SLC35F2: variants seen among roughly 807,000 people sequenced by gnomAD.
SLC35F2 encodes solute carrier family 35 member F2.
In SLC35F2, 25 loss-of-function variants were observed where a neutral mutation model predicts 38.1. The observed-to-expected ratio is 0.66, with a 90% confidence interval of 0.48 to 0.92. The LOEUF is 0.92. Among genes scored for constraint, SLC35F2 ranks in the 40% least tolerant of loss-of-function variants. The pLI, the probability that SLC35F2 is intolerant of heterozygous loss-of-function variation, is 0.00. For synonymous variants in SLC35F2, 173 were observed against 181.7 expected (o/e 0.95, Z 0.38); for missense variants, 409 against 452.9 (o/e 0.90, Z 0.88).
chr11:107,799,140 T>C (rs1429498797), intron 7 of SLC35F2, among the ~76,000 whole-genome samples: 1 of 152,216 alleles, frequency 6.6e-6, no homozygotes, highest in East Asian at 1.9e-4. Context: ...TTTCTACCTC[T>C]GTAATTTATT....
chr11:107,808,640 C>T lies in SLC35F2; in HGVS notation c.415-1764G>A, dbSNP rs141164857. Among the ~76,000 whole-genome samples the T allele has an allele frequency of 3.1e-3, 479 of 152,288 alleles. 2 individuals carry two copies. Among genetic ancestry groups the T allele is most frequent in the African/African-American group, 0.011 (459 of 41,542 alleles). On this transcript the variant is annotated intron_variant, in intron 3 of 7. Transcript: ENST00000525815. ...CCTGTCCACAGTTGTTTACTGATTG[C>T]CTTTCACTGCAGTAGCATCAGTGGA... is the stretch of plus-strand genomic sequence containing the variant.
intron 1 of SLC35F2, among the ~76,000 whole-genome samples, chr11:107,844,132 C>T (rs1860064922): frequency 6.6e-6 from 1 of 151,766 alleles, no homozygotes. Flanking sequence ...TTGTTTGTTG[C>T]CCTATCGCAA....
chr11:107,800,793 C>T (rs1859295431), intron 7 of SLC35F2, among the ~76,000 whole-genome samples: 1 of 151,826 alleles, frequency 6.6e-6, no homozygotes, highest in African/African-American at 2.4e-5. Context: ...ACCATGTTGT[C>T]CAGGCTGAAA....
intron 1 of SLC35F2, among the ~76,000 whole-genome samples, chr11:107,824,942 T>C (rs1859729655): frequency 6.6e-6 from 1 of 152,202 alleles, no homozygotes; most frequent in Non-Finnish European, 1.5e-5. Flanking sequence ...TATGCAGCCA[T>C]TGAGTGTTTG....
At chr11:107,812,870 T>C (rs12281160) in intron 2 of SLC35F2, among the ~76,000 whole-genome samples, 6,527 of 152,266 alleles carry the variant, frequency 0.043, 227 homozygotes, top group African/African-American at 0.098. Context: ...CTGCAGGTGA[T>C]CATTCTTTTG....
At position 107,821,196 on chromosome 11, in the gene SLC35F2, A is replaced by G. The variant is rs1296090124; in HGVS notation, c.111-5231T>C. On this transcript the variant is annotated intron_variant, in intron 1 of 7. Coordinates refer to ENST00000525815, the MANE Select transcript of SLC35F2 (RefSeq NM_017515.5). ...ACTTGAAAGCAATTATAAATCTGAA[A>G]TAAGTGAGAATAAAAAGTGTGGAAG... Among the ~76,000 whole-genome samples, 3 of 152,214 alleles carry G rather than the reference A, an allele frequency of 2.0e-5. No individual in the cohort carries two copies. The East Asian group carries it at 5.8e-4, about 29-fold the overall frequency.
At chr11:107,832,868 A>G (rs1488815066) in intron 1 of SLC35F2, among the ~76,000 whole-genome samples, 1 of 152,180 alleles carries the variant, frequency 6.6e-6, no homozygotes, top group Non-Finnish European at 1.5e-5. Context: ...AGAAAATATA[A>G]CATTGGAAGG....
intron 1 of SLC35F2, among the ~76,000 whole-genome samples, chr11:107,818,648 C>T (rs1859620628): frequency 6.6e-6 from 1 of 152,140 alleles, no homozygotes; most frequent in African/African-American, 2.4e-5. Context: ...TTGAGAGGGC[C>T]ATCCATATTG....
intron 1 of SLC35F2, among the ~76,000 whole-genome samples, chr11:107,848,919 G>C (rs769894131): frequency 6.6e-6 from 1 of 152,260 alleles, no homozygotes; most frequent in Non-Finnish European, 1.5e-5. Flanking sequence ...TTTTCAGCCT[G>C]AGCATAATGC....
At position 107,823,102 on chromosome 11, in the gene SLC35F2, A is replaced by T. The variant is rs1859700892; in HGVS notation, c.111-7137T>A. 5 of 967,520 alleles carry T rather than the reference A, an allele frequency of 5.2e-6. No individual in the cohort carries two copies. In the South Asian group the frequency reaches 1.4e-4, roughly 28 times the overall value. The allele number at this position is 967,520 out of a possible 1,614,324, so 59.9% of individuals were successfully genotyped here. A position where few individuals can be genotyped will look rare whatever the true frequency, so the allele number is the denominator to read the frequency against. ...TCTACTGATTATATATTTAAAAATC[A>T]CTGGGCTTTAAAAATAACACTGACA... On this transcript the variant is annotated intron_variant, in intron 1 of 7. Transcript: ENST00000525815.
At chr11:107,795,710 A>G (rs902385655) in intron 7 of SLC35F2, among the ~76,000 whole-genome samples, 1 of 152,232 alleles carries the variant, frequency 6.6e-6, no homozygotes, top group African/African-American at 2.4e-5. Context: ...CAGGTATATG[A>G]AAAAATGTTC....
intron 7 of SLC35F2, among the ~76,000 whole-genome samples, chr11:107,802,242 A>AAAAAAAAATAAATAAATAAAT (rs559048077): frequency 2.0e-5 from 3 of 147,982 alleles, no homozygotes; most frequent in African/African-American, 7.7e-5. Flanking sequence ...CATCTCAAAA[A>AAAAAAAAATAAATAAATAAAT]AAATAAATAA....
chr11:107,800,911 T>C (rs1859298003), intron 7 of SLC35F2, among the ~76,000 whole-genome samples: 1 of 148,374 alleles, frequency 6.7e-6, no homozygotes, highest in East Asian at 2.0e-4. Context: ...TACTTTTTTT[T>C]TTTTTTTTTT....
intron 1 of SLC35F2, among the ~76,000 whole-genome samples, chr11:107,824,711 T>A (rs1030436104): frequency 6.6e-6 from 1 of 152,236 alleles, no homozygotes; most frequent in African/African-American, 2.4e-5. Flanking sequence ...TTAATTGATG[T>A]AACCTATAAA....
intron 7 of SLC35F2, among the ~76,000 whole-genome samples, chr11:107,795,537 C>T (rs986475203): frequency 2.6e-5 from 4 of 152,180 alleles, no homozygotes; most frequent in Non-Finnish European, 5.9e-5. Flanking sequence ...AGATAACCTC[C>T]TGAATGGGAG....
chr11:107,842,389 C>G (rs896283930), intron 1 of SLC35F2, among the ~76,000 whole-genome samples: 1 of 151,102 alleles, frequency 6.6e-6, no homozygotes, highest in African/African-American at 2.4e-5. Flanking sequence ...GAGTCTCACT[C>G]TGTTGCCAGG....
chr11:107,835,542 C>G (rs1859918177), intron 1 of SLC35F2, among the ~76,000 whole-genome samples: 1 of 151,972 alleles, frequency 6.6e-6, no homozygotes, highest in Non-Finnish European at 1.5e-5. Flanking sequence ...GTGATTTTCC[C>G]ACCTCAGCCC....
At chr11:107,832,897 T>A (rs564966554) in intron 1 of SLC35F2, among the ~76,000 whole-genome samples, 2 of 152,182 alleles carry the variant, frequency 1.3e-5, no homozygotes, top group African/African-American at 4.8e-5. Flanking sequence ...CAACTCCTCA[T>A]GTTTAATCCT....
intron 4 of SLC35F2, 188 bp from the exon 5 acceptor site, chr11:107,805,703 A>G: frequency 4.1e-6 from 4 of 980,476 alleles, no homozygotes; most frequent in Non-Finnish European, 3.6e-6. Flanking sequence ...TGTTTGAGAC[A>G]GTCTTGCTCT....
Sources: allele counts gnomAD v4.1 joint callset (sites outside exome capture counted in the v4.1 genomes callset), GRCh38; gene constraint gnomAD v4.1.1; transcripts MANE v1.5; gene names NCBI Gene and HGNC (gene_info 2026-07-23, HGNC 2026-07-21).